The following FUT8 variants were observed in gnomAD, a reference collection of about 807,000 sequenced individuals.
The protein encoded by FUT8 is fucosyltransferase 8, also known as alpha-(1,6)-fucosyltransferase.
In FUT8, 29 loss-of-function variants were observed where a neutral mutation model predicts 71.3. The observed-to-expected ratio is 0.41, with a 90% CI of 0.30 to 0.55. The LOEUF is 0.55. FUT8 is among the 20% of genes least tolerant of loss of function. The pLI is 0.34. For synonymous variants in FUT8, 254 were observed against 239.3 expected, an observed-to-expected ratio of 1.06 and a Z score of -0.57; for missense variants, 544 against 702.1, an observed-to-expected ratio of 0.77 and a Z score of 2.55.
rs147965052 is a variant in FUT8 at position 65,554,047 on chromosome 14, C to G, written c.-227-7290C>G. ...AACTCCAGTTACACCTGCACTAGATCATTGGATATTATACTACAGCTTTAA... is the reference window on the plus strand; with the variant it reads ...AACTCCAGTTACACCTGCACTAGATGATTGGATATTATACTACAGCTTTAA... On this transcript the variant is annotated intron_variant, in intron 2 of 10. Coordinates refer to ENST00000673929, the MANE Select transcript of FUT8 (RefSeq NM_001371533.1). Among the ~76,000 whole-genome samples the G allele has an allele frequency of 1.7e-3, 254 of 152,140 alleles. 1 individual carries two copies. Among genetic ancestry groups the G allele is most frequent in the African/African-American group, 5.7e-3 (235 of 41,530 alleles).
intron 3 of FUT8, among the ~76,000 whole-genome samples, chr14:65,584,850 C>T (rs1887290128): frequency 6.6e-6 from 1 of 152,192 alleles, no homozygotes; most frequent in African/African-American, 2.4e-5. Flanking sequence ...GTTTGTAAGA[C>T]TTCATCCATT....
chr14:65,391,546 G>C, the FUT8 span, among the ~76,000 whole-genome samples: 1 of 152,164 alleles, frequency 6.6e-6, no homozygotes, highest in East Asian at 1.9e-4. Context: ...AGGAGAGACG[G>C]GGTTTCACCA....
chr14:65,701,513 C>T (rs1198701182), intron 7 of FUT8, among the ~76,000 whole-genome samples: 1 of 152,146 alleles, frequency 6.6e-6, no homozygotes, highest in Non-Finnish European at 1.5e-5. Flanking sequence ...ACAGCTGATT[C>T]TCATTCTCTA....
intron 7 of FUT8, among the ~76,000 whole-genome samples, chr14:65,709,100 A>G (rs1280047306): frequency 6.6e-6 from 1 of 152,212 alleles, no homozygotes; most frequent in East Asian, 1.9e-4. Flanking sequence ...TCAAAACACC[A>G]CATTGAACCC....
chr14:65,481,264 A>G (rs1165295672), intron 2 of FUT8, among the ~76,000 whole-genome samples: 1 of 152,160 alleles, frequency 6.6e-6, no homozygotes, highest in Non-Finnish European at 1.5e-5. Context: ...CTTTGGAGAA[A>G]TACCTATTTA....
At chr14:65,619,319 C>G (rs538589901) in intron 5 of FUT8, among the ~76,000 whole-genome samples, 4 of 152,138 alleles carry the variant, frequency 2.6e-5, no homozygotes, top group Admixed American at 6.5e-5. Context: ...GTGACCCCAT[C>G]AGTGAGCTGT....
chr14:65,524,406 T>C (rs955862010), intron 2 of FUT8, among the ~76,000 whole-genome samples: 2 of 152,178 alleles, frequency 1.3e-5, no homozygotes, highest in African/African-American at 4.8e-5. Context: ...ATGCTTGTGA[T>C]TTTTGCACAT....
At position 65,639,098 on chromosome 14, in the gene FUT8, TA is replaced by T. The variant is rs553628449; in HGVS notation, c.597+9503del. Among the ~76,000 whole-genome samples, 498 of 144,026 alleles carry T rather than the reference TA, an allele frequency of 3.5e-3. 3 individuals carry two copies. Among genetic ancestry groups the T allele is most frequent in the African/African-American group, 0.01 (412 of 39,624 alleles). The allele number at this position is 144,026 out of a possible 152,430, so 94.5% of individuals were successfully genotyped here. A position where few individuals can be genotyped will look rare whatever the true frequency, so the allele number is the denominator to read the frequency against. On this transcript the variant is annotated intron_variant, in intron 6 of 10. Transcript: ENST00000673929. ...GAGAAAGAAAATACCTTTTCCAAGA[TA>T]AAAAAAAAAATGAACAACTTGACTA...
chr14:65,644,834 A>G (rs1891046649), intron 6 of FUT8, among the ~76,000 whole-genome samples: 1 of 152,150 alleles, frequency 6.6e-6, no homozygotes. Context: ...TGATTTATTA[A>G]CATGGATAAC....
intron 1 of FUT8, among the ~76,000 whole-genome samples, chr14:65,424,348 T>C (rs1193298434): frequency 6.6e-6 from 1 of 152,194 alleles, no homozygotes; most frequent in East Asian, 1.9e-4. Context: ...TTTACTCTTT[T>C]GAGACAGGGT....
At chr14:65,506,211 A>G (rs1004862147) in intron 2 of FUT8, among the ~76,000 whole-genome samples, 1 of 152,216 alleles carries the variant, frequency 6.6e-6, no homozygotes, top group Non-Finnish European at 1.5e-5. Context: ...TTTACCTTGA[A>G]TTTTAATTGG....
chr14:65,560,840 T>C (rs1207715599), intron 2 of FUT8, among the ~76,000 whole-genome samples: 2 of 152,112 alleles, frequency 1.3e-5, no homozygotes, highest in African/African-American at 4.8e-5. Flanking sequence ...AAAGTGACAA[T>C]TTGCCTGTCA....
Position 65,413,821 on chromosome 14 carries a change from G to T in FUT8, c.-326+607G>T, listed in dbSNP as rs2065178848. On this transcript the variant is annotated intron_variant, in intron 1 of 10. Coordinates refer to ENST00000673929, the MANE Select transcript of FUT8 (RefSeq NM_001371533.1). The surrounding 1 kb of genome is among the most constrained non-coding windows in gnomAD (Gnocchi z 4.1). ...TTTGAGTATCAACTTATTTGGGAAGGTTAAATGAGTCCATATTTATCAGTT... is the reference window on the plus strand; with the variant it reads ...TTTGAGTATCAACTTATTTGGGAAGTTTAAATGAGTCCATATTTATCAGTT... 1.3e-5 allele frequency among the ~76,000 whole-genome samples: 2 copies of T among 152,300 alleles called. No homozygotes were observed. Among genetic ancestry groups the T allele is most frequent in the South Asian group, 4.1e-4 (2 of 4,824 alleles).
At chr14:65,707,641 A>AT (rs778519130) in intron 7 of FUT8, among the ~76,000 whole-genome samples, 7 of 152,114 alleles carry the variant, frequency 4.6e-5, no homozygotes, top group Non-Finnish European at 8.8e-5. Flanking sequence ...TCTTATAACC[A>AT]TTTTGAGTTG....
chr14:65,554,120 C>T (rs72714485), intron 2 of FUT8, among the ~76,000 whole-genome samples: 8 of 152,046 alleles, frequency 5.3e-5, no homozygotes, highest in African/African-American at 7.2e-5. Context: ...CTTCTCTTTG[C>T]GTTTCATTTT....
intron 1 of FUT8, among the ~76,000 whole-genome samples, chr14:65,438,269 T>G (rs943341196): frequency 2.6e-5 from 3 of 114,046 alleles, no homozygotes; most frequent in African/African-American, 3.6e-5. Context: ...AATTAGGCAG[T>G]TTTTTTTTTC....
intron 9 of FUT8, among the ~76,000 whole-genome samples, chr14:65,728,723 A>G (rs1056045991): frequency 6.6e-6 from 1 of 152,244 alleles, no homozygotes; most frequent in Non-Finnish European, 1.5e-5. Context: ...AACTACCTTC[A>G]GTATTCAATA....
At chr14:65,385,197 C>A in the FUT8 span, among the ~76,000 whole-genome samples, 3 of 152,082 alleles carry the variant, frequency 2.0e-5, no homozygotes, top group Non-Finnish European at 2.9e-5. Flanking sequence ...CCGCGCCCGG[C>A]CTTAGGTTAG....
At chr14:65,571,355 A>G (rs1886466315) in intron 3 of FUT8, among the ~76,000 whole-genome samples, 2 of 152,174 alleles carry the variant, frequency 1.3e-5, no homozygotes, top group Admixed American at 1.3e-4. Context: ...TTTGGGAATC[A>G]TGCACATAGC....
Sources: allele counts gnomAD v4.1 joint callset (sites outside exome capture counted in the v4.1 genomes callset), GRCh38; gene constraint gnomAD v4.1.1; non-coding constraint Gnocchi (gnomAD v3.1); transcripts MANE v1.5; gene names NCBI Gene and HGNC (gene_info 2026-07-23, HGNC 2026-07-21).